Variants in XRCC4 observed in about 807,000 individuals in gnomAD.
XRCC4 encodes the protein X-ray repair cross complementing 4.
A neutral mutation model predicts 39.1 loss-of-function variants in XRCC4; 28 were observed. That is an observed-to-expected ratio of 0.72 (90% CI 0.53 to 0.98). XRCC4 has a LOEUF of 0.98. XRCC4 is among the 50% of genes least tolerant of loss of function. The probability of loss-of-function intolerance (pLI) is 0.00; values close to 1 mark genes in which losing one functional copy is unlikely to be tolerated. For missense variants in XRCC4, 350 were observed against 376.4 expected (o/e 0.93, Z 0.58); for synonymous variants, 123 against 126.4 (o/e 0.97, Z 0.18).
chr5:83,199,243 A>G (rs905755675), intron 4 of XRCC4, among the ~76,000 whole-genome samples: 2 of 152,284 alleles, frequency 1.3e-5, no homozygotes, highest in Non-Finnish European at 2.9e-5. Flanking sequence ...ACAGTGTTTA[A>G]GAACTGTCGC....
chr5:83,264,476 G>A (rs984418271), intron 7 of XRCC4, among the ~76,000 whole-genome samples: 2 of 151,950 alleles, frequency 1.3e-5, no homozygotes, highest in Non-Finnish European at 2.9e-5. Flanking sequence ...TCAGAGTCTG[G>A]TATTAATTCA....
intron 7 of XRCC4, among the ~76,000 whole-genome samples, chr5:83,337,394 G>A (rs897243097): frequency 6.6e-6 from 1 of 152,134 alleles, no homozygotes; most frequent in Non-Finnish European, 1.5e-5. Context: ...TACAGGAGAA[G>A]TGATGCTGCG....
At chr5:83,204,967 G>A in intron 6 of XRCC4, 46 bp downstream of exon 6, 1 of 1,316,924 alleles carries the variant, frequency 7.6e-7, no homozygotes. Context: ...ATCTTATTTG[G>A]GCTTCTTATT....
At chr5:83,220,997 G>C (rs1752062340) in intron 6 of XRCC4, among the ~76,000 whole-genome samples, 1 of 151,982 alleles carries the variant, frequency 6.6e-6, no homozygotes, top group Admixed American at 6.6e-5. Context: ...TCTGTAATCT[G>C]CAACCCTCCT....
intron 3 of XRCC4, among the ~76,000 whole-genome samples, chr5:83,160,485 G>A (rs1170409632): frequency 1.3e-5 from 2 of 152,170 alleles, no homozygotes; most frequent in Admixed American, 1.3e-4. Flanking sequence ...GGTGGTAACA[G>A]CCTCTTTGTT....
At chr5:83,103,853 C>G (rs148589527) in intron 1 of XRCC4, among the ~76,000 whole-genome samples, 162 of 152,176 alleles carry the variant, frequency 1.1e-3, no homozygotes, top group African/African-American at 3.5e-3. Flanking sequence ...TATTCAAAGC[C>G]CTCATCTCTG....
chr5:83,294,322 T>C (rs1183159378), intron 7 of XRCC4, among the ~76,000 whole-genome samples: 4 of 152,064 alleles, frequency 2.6e-5, no homozygotes, highest in Non-Finnish European at 5.9e-5. Context: ...GATTCAGTTG[T>C]TGAATTTCTA....
chr5:83,195,241 G>T (rs1362685567), intron 3 of XRCC4, among the ~76,000 whole-genome samples: 1 of 151,824 alleles, frequency 6.6e-6, no homozygotes, highest in Non-Finnish European at 1.5e-5. Flanking sequence ...TTTATTATTG[G>T]CAATTTATGG....
intron 1 of XRCC4, among the ~76,000 whole-genome samples, chr5:83,078,782 G>A (rs1237587263): frequency 1.3e-5 from 2 of 152,106 alleles, no homozygotes; most frequent in Non-Finnish European, 1.5e-5. Context: ...GTTCCTTTAA[G>A]GAATTTAATA....
At chr5:83,100,546 G>C (rs1580216703) in intron 1 of XRCC4, among the ~76,000 whole-genome samples, 1 of 152,036 alleles carries the variant, frequency 6.6e-6, no homozygotes, top group Non-Finnish European at 1.5e-5. Flanking sequence ...TATAAGTGCT[G>C]TATTTTCCTT....
At chr5:83,245,226 GT>G (rs1753056672) in intron 6 of XRCC4, among the ~76,000 whole-genome samples, 1 of 147,608 alleles carries the variant, frequency 6.8e-6, no homozygotes, top group South Asian at 2.1e-4. Flanking sequence ...AGCAACAGGT[GT>G]TTTGGTTAAA....
At chr5:83,313,311 G>A (rs968064608) in intron 7 of XRCC4, among the ~76,000 whole-genome samples, 3 of 151,994 alleles carry the variant, frequency 2.0e-5, no homozygotes, top group Non-Finnish European at 4.4e-5. Context: ...CATGATATAT[G>A]CACAGTACTG....
chr5:83,244,717 C>T (rs1461928000), intron 6 of XRCC4, among the ~76,000 whole-genome samples: 1 of 152,142 alleles, frequency 6.6e-6, no homozygotes, highest in East Asian at 1.9e-4. Context: ...GCTCCACCTA[C>T]ATCCCTGTGC....
At chr5:83,152,153 G>C (rs1318211633) in intron 3 of XRCC4, among the ~76,000 whole-genome samples, 1 of 152,166 alleles carries the variant, frequency 6.6e-6, no homozygotes, top group South Asian at 2.1e-4. Flanking sequence ...AGCAATAAAA[G>C]ATTAACAAAT....
chr5:83,268,618 A>T (rs1404415274), intron 7 of XRCC4, among the ~76,000 whole-genome samples: 1 of 152,294 alleles, frequency 6.6e-6, no homozygotes, highest in East Asian at 1.9e-4. Flanking sequence ...TGCTCCAACC[A>T]CAGGAAATAT....
At chr5:83,216,583 A>G (rs956041700) in intron 6 of XRCC4, among the ~76,000 whole-genome samples, 1 of 152,164 alleles carries the variant, frequency 6.6e-6, no homozygotes, top group African/African-American at 2.4e-5. Context: ...TTCTGGTGAA[A>G]CGTTAAATAA....
chr5:83,231,299 A>G (rs187461221), intron 6 of XRCC4, among the ~76,000 whole-genome samples: 1 of 152,154 alleles, frequency 6.6e-6, no homozygotes, highest in East Asian at 1.9e-4. Flanking sequence ...AAGATCCCAG[A>G]GAACTTTTAG....
chr5:83,367,612 CT>C, the XRCC4 span, among the ~76,000 whole-genome samples: 1 of 152,170 alleles, frequency 6.6e-6, no homozygotes, highest in Non-Finnish European at 1.5e-5. Context: ...TCTCTTGAAA[CT>C]TGACATACAC....
At chr5:83,277,073 G>A (rs1285219734) in intron 7 of XRCC4, among the ~76,000 whole-genome samples, 8 of 152,156 alleles carry the variant, frequency 5.3e-5, no homozygotes, top group Non-Finnish European at 4.4e-5. Context: ...ATCTATCTAT[G>A]TAGAATCAGT....
Sources: allele counts gnomAD v4.1 joint callset (sites outside exome capture counted in the v4.1 genomes callset), GRCh38; gene constraint gnomAD v4.1.1; transcripts MANE v1.5; gene names NCBI Gene and HGNC (gene_info 2026-07-23, HGNC 2026-07-21).